Variants in UNC13B observed in about 807,000 individuals in gnomAD.
The protein encoded by UNC13B is protein unc-13 homolog B.
Under a neutral mutation model 211.0 loss-of-function variants are expected in UNC13B, and 144 were observed. That is an observed-to-expected ratio of 0.68 (90% confidence interval 0.60 to 0.78). The LOEUF is 0.78. Ranked by LOEUF, UNC13B falls within the 30% of genes least tolerant of loss-of-function variation. UNC13B has a pLI of 0.00. For synonymous variants in UNC13B, 709 were observed against 725.8 expected, an observed-to-expected ratio of 0.98 and a Z score of 0.37; for missense variants, 1,777 against 2,002.0, an observed-to-expected ratio of 0.89 and a Z score of 2.14.
At position 35,389,878 on chromosome 9, in the gene UNC13B, C is replaced by T; in HGVS notation, c.11127C>T (p.Pro3709=). ...KQELPPEEQG[P]SIRNLDFWPK... ...AGCTACCTCCAGAGGAACAAGGGCCCAGCATTCGGAACCTGGATTTCTGGC... is the reference window on the plus strand; with the variant it reads ...AGCTACCTCCAGAGGAACAAGGGCCTAGCATTCGGAACCTGGATTTCTGGC... The change falls in exon 25 of 40, where the codon CCC becomes CCT. Residue 3709 remains proline (P), a synonymous_variant. Transcript: ENST00000635942. The T allele has an allele frequency of 6.2e-7, 1 of 1,614,130 alleles. No individual in the cohort carries two copies. The highest frequency in any genetic ancestry group is 8.5e-7 in the Non-Finnish European group (1 of 1,179,996).
rs1829904894 is a variant in UNC13B, at chr9:35,306,021, A to G, written c.6617A>G (p.Asp2206Gly). The stretch of plus-strand genomic sequence containing the variant: ...ACTGCTAGCTCAAGCATTAAGAAGG[A>G]TGCCTCTCATAGTAGTTCTACTTTT... Reference protein sequence around the residue: ...FSTASSSIKKDASHSSSTFSF... With the variant: ...FSTASSSIKKGASHSSSTFSF... The change falls in exon 9 of 40, where the codon GAT (aspartate) becomes GGT (glycine). Residue 2206 changes from aspartate to glycine, a missense_variant. Physicochemically the swap from Asp to Gly is moderately conservative, Grantham distance 94. Coordinates refer to ENST00000635942, the MANE Select transcript of UNC13B (RefSeq NM_001371189.2). 2.5e-6 allele frequency: 1 copy of G among 398,924 alleles called. No homozygotes were observed. Among genetic ancestry groups the G allele is most frequent in the Non-Finnish European group, 4.4e-6 (1 of 226,054 alleles). The allele number at this position is 398,924 out of a possible 1,614,324, so 24.7% of individuals were successfully genotyped here.
chr9:35,216,507 C>T (rs1376640434), intron 1 of UNC13B, among the ~76,000 whole-genome samples: 12 of 151,956 alleles, frequency 7.9e-5, no homozygotes, highest in Admixed American at 6.6e-4. Context: ...GAACATACAC[C>T]CCAAGAAAGC....
intron 26 of UNC13B, 107 bp from the exon 27 acceptor site, chr9:35,396,369 C>G (rs905658844): frequency 1.4e-6 from 2 of 1,450,646 alleles, no homozygotes. Context: ...CACCCTTGTC[C>G]TAAGACATCT....
At chr9:35,299,882 G>T (rs1317125628) in intron 8 of UNC13B, among the ~76,000 whole-genome samples, 1 of 152,024 alleles carries the variant, frequency 6.6e-6, no homozygotes, top group Non-Finnish European at 1.5e-5. Flanking sequence ...ACAGGCTAAA[G>T]ATGAAAAAAT....
At chr9:35,391,593 T>C (rs1835539364) in intron 26 of UNC13B, among the ~76,000 whole-genome samples, 1 of 152,216 alleles carries the variant, frequency 6.6e-6, no homozygotes, top group Non-Finnish European at 1.5e-5. Flanking sequence ...GCATACATTC[T>C]GTAACACAAG....
In UNC13B at chr9:35,299,766, G is replaced by A. The variant is rs138553599; in HGVS notation, c.762-400G>A. ...ATTTTATTGTTCTAGTCTTCTCATTGAACATGTATTAAATCTTATAACTTC... is the reference window on the plus strand; with the variant it reads ...ATTTTATTGTTCTAGTCTTCTCATTAAACATGTATTAAATCTTATAACTTC... On this transcript the variant is annotated intron_variant, in intron 8 of 39. Coordinates refer to ENST00000635942, the MANE Select transcript of UNC13B (RefSeq NM_001371189.2). 3.0e-3 allele frequency among the ~76,000 whole-genome samples: 458 copies of A among 152,034 alleles called. 3 individuals carry two copies. Among genetic ancestry groups the A allele is most frequent in the East Asian group, 7.7e-3 (40 of 5,178 alleles).
At chr9:35,387,233 T>C (rs1011717949) in intron 24 of UNC13B, among the ~76,000 whole-genome samples, 7 of 152,180 alleles carry the variant, frequency 4.6e-5, no homozygotes, top group African/African-American at 1.7e-4. Flanking sequence ...ACAAGGAACA[T>C]TTGAGATAGA....
intron 26 of UNC13B, among the ~76,000 whole-genome samples, chr9:35,391,288 C>A (rs1371837274): frequency 1.3e-5 from 2 of 152,152 alleles, no homozygotes; most frequent in Non-Finnish European, 2.9e-5. Flanking sequence ...GATATCATTC[C>A]ATACCTGTAT....
At chr9:35,180,200 T>C (rs999485537) in intron 1 of UNC13B, among the ~76,000 whole-genome samples, 5 of 152,254 alleles carry the variant, frequency 3.3e-5, no homozygotes, top group African/African-American at 7.2e-5. Flanking sequence ...AGTACTTGTT[T>C]GTCTTTTGGT....
chr9:35,312,465 C>G (rs1299570009), intron 10 of UNC13B, among the ~76,000 whole-genome samples: 2 of 152,150 alleles, frequency 1.3e-5, no homozygotes, highest in South Asian at 4.1e-4. Context: ...TCTCCATAGA[C>G]CTTAGACTTG....
chr9:35,217,489 C>T (rs1401111101), intron 1 of UNC13B, among the ~76,000 whole-genome samples: 2 of 151,170 alleles, frequency 1.3e-5, no homozygotes, highest in African/African-American at 2.4e-5. Context: ...CCTGGGTTCA[C>T]GCCATTGTCC....
chr9:35,247,080 G>A (rs1265322449), intron 6 of UNC13B, among the ~76,000 whole-genome samples: 1 of 152,150 alleles, frequency 6.6e-6, no homozygotes, highest in Non-Finnish European at 1.5e-5. Context: ...TCCCTTGTAA[G>A]TTGGATTCCT....
chr9:35,183,982 T>A (rs1348980744), intron 1 of UNC13B, among the ~76,000 whole-genome samples: 2 of 141,256 alleles, frequency 1.4e-5, no homozygotes, highest in South Asian at 4.6e-4. Context: ...GCAGAGGCGC[T>A]CCTCACCTCC....
intron 8 of UNC13B, among the ~76,000 whole-genome samples, chr9:35,298,681 T>C (rs2131814794): frequency 6.6e-6 from 1 of 152,312 alleles, no homozygotes; most frequent in Non-Finnish European, 1.5e-5. Flanking sequence ...CCTAAATGAA[T>C]GCTTTTGGAT....
chr9:35,178,843 G>A (rs1024471072), intron 1 of UNC13B, among the ~76,000 whole-genome samples: 4 of 130,956 alleles, frequency 3.1e-5, no homozygotes, highest in Non-Finnish European at 6.1e-5. Context: ...AGCTGAGATC[G>A]CACCACTGCA....
chr9:35,243,710 T>C (rs1825929732), intron 6 of UNC13B, among the ~76,000 whole-genome samples: 1 of 152,152 alleles, frequency 6.6e-6, no homozygotes, highest in African/African-American at 2.4e-5. Flanking sequence ...TATTCTTATT[T>C]GTGTCCTGTT....
At chr9:35,254,892 T>C (rs935261731) in intron 6 of UNC13B, among the ~76,000 whole-genome samples, 15 of 123,632 alleles carry the variant, frequency 1.2e-4, no homozygotes, top group Non-Finnish European at 1.6e-4. Context: ...ATATTATATA[T>C]AATATACGTA....
At chr9:35,379,876 G>A (rs1335146307) in intron 17 of UNC13B, among the ~76,000 whole-genome samples, 2 of 152,194 alleles carry the variant, frequency 1.3e-5, no homozygotes, top group African/African-American at 2.4e-5. Context: ...GAAAGCAACT[G>A]TTGGAGAGGA....
intron 13 of UNC13B, among the ~76,000 whole-genome samples, chr9:35,372,150 T>C (rs1834172557): frequency 6.6e-6 from 1 of 152,194 alleles, no homozygotes; most frequent in Non-Finnish European, 1.5e-5. Flanking sequence ...CGAGTACCTG[T>C]AATCTCAGCT....
Sources: gnomAD v4.1 joint callset for allele counts (sites outside exome capture counted in the v4.1 genomes callset) on GRCh38, gnomAD v4.1.1 for gene constraint, MANE v1.5 for transcripts, NCBI Gene and HGNC (gene_info 2026-07-23, HGNC 2026-07-21) for gene names.